The following ASTN2 variants were observed in gnomAD, a reference collection of about 807,000 sequenced individuals.
The protein encoded by ASTN2 is astrotactin 2.
A neutral mutation model predicts 139.8 loss-of-function variants in ASTN2; 54 were observed. That is an observed-to-expected ratio of 0.39 (90% confidence interval 0.31 to 0.48). The LOEUF is 0.48. Ranked by LOEUF, ASTN2 falls within the 20% of genes least tolerant of loss-of-function variation. The probability of loss-of-function intolerance (pLI) is 0.95; values close to 1 mark genes in which losing one functional copy is unlikely to be tolerated. For synonymous variants in ASTN2, 756 were observed against 719.5 expected (o/e 1.05, Z -0.81); for missense variants, 1,565 against 1,725.1 (o/e 0.91, Z 1.64).
intron 6 of ASTN2, among the ~76,000 whole-genome samples, chr9:117,033,234 T>C (rs1838297443): frequency 6.6e-6 from 1 of 152,102 alleles, no homozygotes; most frequent in African/African-American, 2.4e-5. Context: ...ACGCTTCTCT[T>C]CCCCTCTCTT....
At chr9:116,900,076 G>C (rs2132402627) in intron 10 of ASTN2, among the ~76,000 whole-genome samples, 1 of 152,286 alleles carries the variant, frequency 6.6e-6, no homozygotes, top group African/African-American at 2.4e-5. Context: ...CAAATTTTCA[G>C]TGAGGCTGAT....
At chr9:117,364,628 C>T (rs1031150604) in intron 1 of ASTN2, among the ~76,000 whole-genome samples, 2 of 152,050 alleles carry the variant, frequency 1.3e-5, no homozygotes, top group African/African-American at 4.8e-5. Flanking sequence ...GCAAGTGAGG[C>T]TCAGGACTCA....
intron 5 of ASTN2, among the ~76,000 whole-genome samples, chr9:117,049,276 T>G (rs1170468499): frequency 1.3e-5 from 2 of 152,176 alleles, no homozygotes; most frequent in African/African-American, 4.8e-5. Flanking sequence ...AATATTTCTA[T>G]GTTCACAAAA....
At chr9:116,897,559 T>C (rs1189700476) in intron 10 of ASTN2, among the ~76,000 whole-genome samples, 6 of 152,328 alleles carry the variant, frequency 3.9e-5, no homozygotes, top group Non-Finnish European at 7.3e-5. Context: ...TTGTTTGTAG[T>C]AGCAAAAAAC....
At chr9:117,033,356 C>G (rs1433799079) in intron 6 of ASTN2, among the ~76,000 whole-genome samples, 5 of 152,102 alleles carry the variant, frequency 3.3e-5, no homozygotes, top group African/African-American at 1.2e-4. Context: ...ATTACTACTT[C>G]TAACATTTAT....
intron 3 of ASTN2, among the ~76,000 whole-genome samples, chr9:117,206,178 G>A (rs1213954414): frequency 1.3e-5 from 2 of 152,196 alleles, no homozygotes; most frequent in African/African-American, 4.8e-5. Flanking sequence ...AAATGCAGCA[G>A]AAGAGTGGAG....
chr9:116,837,893 A>C (rs892435943), intron 11 of ASTN2, among the ~76,000 whole-genome samples: 4 of 152,208 alleles, frequency 2.6e-5, no homozygotes, highest in African/African-American at 7.2e-5. Context: ...GTAAAGGAAC[A>C]GCACTAGTCT....
chr9:117,186,857 G>A (rs1253135798), intron 3 of ASTN2, among the ~76,000 whole-genome samples: 5 of 152,324 alleles, frequency 3.3e-5, no homozygotes, highest in African/African-American at 4.8e-5. Context: ...AAGGCCGGGC[G>A]AAGTGGCTCA....
At chr9:116,704,150 A>G (rs1827928347) in intron 16 of ASTN2, among the ~76,000 whole-genome samples, 1 of 152,166 alleles carries the variant, frequency 6.6e-6, no homozygotes, top group South Asian at 2.1e-4. Context: ...TCAGGTGATC[A>G]CCATACCTCT....
chr9:116,573,879 T>C (rs1853621143), intron 19 of ASTN2, among the ~76,000 whole-genome samples: 1 of 152,164 alleles, frequency 6.6e-6, no homozygotes, highest in Middle Eastern at 3.2e-3. Flanking sequence ...ATAGAAAGTA[T>C]AAAATGTGGC....
intron 6 of ASTN2, among the ~76,000 whole-genome samples, chr9:117,032,287 A>G (rs1838269139): frequency 6.6e-6 from 1 of 152,182 alleles, no homozygotes; most frequent in Non-Finnish European, 1.5e-5. Flanking sequence ...AAGCAAAGGT[A>G]TATAGAGAGG....
intron 3 of ASTN2, among the ~76,000 whole-genome samples, chr9:117,198,295 C>T (rs900176992): frequency 1.3e-5 from 2 of 152,124 alleles, no homozygotes; most frequent in African/African-American, 4.8e-5. Context: ...TTTTCTCTTC[C>T]TATGTAAGTG....
At chr9:117,048,555 C>T (rs567722798) in intron 5 of ASTN2, among the ~76,000 whole-genome samples, 15 of 152,286 alleles carry the variant, frequency 9.8e-5, no homozygotes, top group East Asian at 5.8e-4. Context: ...GGGCTACAAA[C>T]GGCTGGCTAT....
chr9:116,496,586 T>C lies in ASTN2; in HGVS notation c.3356-9086A>G, dbSNP rs191978191. ...AAGATACCCCCCAGAACTGTTTGGCTGGAAGTCGGGGAGATGGGGCACTTA... is the reference window on the plus strand; with the variant it reads ...AAGATACCCCCCAGAACTGTTTGGCCGGAAGTCGGGGAGATGGGGCACTTA... On this transcript the variant is annotated intron_variant, in intron 19 of 22. Coordinates refer to ENST00000313400, the MANE Select transcript of ASTN2 (RefSeq NM_001365068.1). 2.8e-3 allele frequency among the ~76,000 whole-genome samples: 426 copies of C among 152,322 alleles called. 3 individuals are homozygous for C. The highest frequency in any genetic ancestry group is 9.6e-3 in the African/African-American group (399 of 41,568).
intron 19 of ASTN2, among the ~76,000 whole-genome samples, chr9:116,589,290 T>C (rs1447002852): frequency 4.6e-5 from 7 of 152,220 alleles, no homozygotes; most frequent in East Asian, 1.9e-4. Flanking sequence ...CATTAAATAA[T>C]TGCTGAATGA....
intron 2 of ASTN2, among the ~76,000 whole-genome samples, chr9:117,229,453 A>T (rs1832821516): frequency 6.6e-6 from 1 of 152,114 alleles, no homozygotes; most frequent in South Asian, 2.1e-4. Context: ...TCCTTAACTG[A>T]ATCCCAGGGT....
intron 19 of ASTN2, among the ~76,000 whole-genome samples, chr9:116,521,478 C>T (rs1206592563): frequency 6.6e-6 from 1 of 152,130 alleles, no homozygotes; most frequent in Non-Finnish European, 1.5e-5. Flanking sequence ...CATCTCTCAA[C>T]TTATACAAAA....
At chr9:117,076,814 G>C (rs921498724) in intron 5 of ASTN2, among the ~76,000 whole-genome samples, 1 of 152,142 alleles carries the variant, frequency 6.6e-6, no homozygotes, top group Non-Finnish European at 1.5e-5. Context: ...TGGCCATAAA[G>C]AGATAACAAC....
chr9:117,234,378 G>A lies in ASTN2; in HGVS notation c.631-19636C>T, dbSNP rs143541808. Among the ~76,000 whole-genome samples, 773 of 152,240 alleles carry A rather than the reference G, an allele frequency of 5.1e-3. 34 individuals carry two copies. Among genetic ancestry groups the A allele is most frequent in the Admixed American group, 0.045 (695 of 15,278 alleles). On this transcript the variant is annotated intron_variant, in intron 2 of 22. Transcript: ENST00000313400. Reference sequence around the variant, plus strand: ...CATTTCTCCTCCACGCCTCTCCAGCGCCAGCTAATCCCTCCTGAACCGGCC... The same window carrying A: ...CATTTCTCCTCCACGCCTCTCCAGCACCAGCTAATCCCTCCTGAACCGGCC...
Sources: allele counts gnomAD v4.1 joint callset (sites outside exome capture counted in the v4.1 genomes callset), GRCh38; gene constraint gnomAD v4.1.1; transcripts MANE v1.5; gene names NCBI Gene and HGNC (gene_info 2026-07-23, HGNC 2026-07-21).